Variants in PTPN4 observed in about 807,000 individuals in gnomAD.
The protein encoded by PTPN4 is protein tyrosine phosphatase non-receptor type 4, also known as tyrosine-protein phosphatase non-receptor type 4.
A neutral mutation model predicts 135.5 loss-of-function variants in PTPN4; 49 were observed. The ratio of observed to expected loss-of-function variants is 0.36; its 90% confidence interval spans 0.29 to 0.46. PTPN4 has a LOEUF of 0.46. Ranked by LOEUF, PTPN4 falls within the 20% of genes least tolerant of loss-of-function variation. The pLI, the probability that PTPN4 is intolerant of heterozygous loss-of-function variation, is 1.00. For missense variants in PTPN4, 860 were observed against 1,101.0 expected, an observed-to-expected ratio of 0.78 and a Z score of 3.10; for synonymous variants, 333 against 369.9, an observed-to-expected ratio of 0.90 and a Z score of 1.14.
chr2:119,810,888 A>G (rs1691562537), intron 2 of PTPN4, among the ~76,000 whole-genome samples: 1 of 152,120 alleles, frequency 6.6e-6, no homozygotes, highest in Non-Finnish European at 1.5e-5. Flanking sequence ...TCTCATAATT[A>G]CCACATCCCT....
At position 119,955,174 on chromosome 2, in the gene PTPN4, G is replaced by A; in HGVS notation, c.1831G>A (p.Glu611Lys). 1 of 1,608,338 alleles carries A rather than the reference G, an allele frequency of 6.2e-7. No homozygotes were observed. The highest frequency in any genetic ancestry group is 8.5e-7 in the Non-Finnish European group (1 of 1,178,328). The change falls in exon 20 of 27, where the codon GAA (glutamate) becomes AAA (lysine). Residue 611 changes from glutamate (E) to lysine (K), a missense_variant. Physicochemically the swap from Glu to Lys is moderately conservative, Grantham distance 56. Coordinates refer to ENST00000263708, the MANE Select transcript of PTPN4 (RefSeq NM_002830.4). Reference protein sequence around the residue: ...VRPNAVYDVVEEKLENEPDFQ... With the variant: ...VRPNAVYDVVKEKLENEPDFQ... ...TTTTTTAGCTGTATATGATGTAGTG[G>A]AAGAAAAGCTAGAAAATGAGCCAGA...
rs996295933 is a variant in PTPN4, at chr2:119,979,502, T to C, written c.*2432T>C. 2.0e-5 allele frequency: 3 copies of C among 152,164 alleles called. No individual in the cohort carries two copies. Among genetic ancestry groups the C allele is most frequent in the Non-Finnish European group, 2.9e-5 (2 of 67,982 alleles). 9.4% of individuals were successfully genotyped at this position (152,164 alleles called of 1,614,324 possible). A position where few individuals can be genotyped will look rare whatever the true frequency, so the allele number is the denominator to read the frequency against. On this transcript the variant is annotated 3_prime_UTR_variant, in exon 27 of 27. Coordinates refer to ENST00000263708, the MANE Select transcript of PTPN4 (RefSeq NM_002830.4). The stretch of plus-strand genomic sequence containing the variant: ...ATTTTTATGTGCAGAAAAGATCCTT[T>C]TTGAAAACCATATTTATTGGGATCT...
chr2:119,792,289 A>G (rs111867589), intron 1 of PTPN4, among the ~76,000 whole-genome samples: 2 of 152,282 alleles, frequency 1.3e-5, no homozygotes, highest in African/African-American at 4.8e-5. Context: ...AAGATTAGTC[A>G]TTTTGTGTTT....
intron 2 of PTPN4, among the ~76,000 whole-genome samples, chr2:119,841,882 TA>T (rs2104970888): frequency 1.3e-5 from 2 of 152,296 alleles, no homozygotes; most frequent in East Asian, 3.9e-4. Context: ...GTTTTGGTGT[TA>T]AAATTTGCTG....
intron 2 of PTPN4, among the ~76,000 whole-genome samples, chr2:119,820,838 A>G (rs1677054960): frequency 6.8e-6 from 1 of 147,466 alleles, no homozygotes; most frequent in East Asian, 2.0e-4. Flanking sequence ...GCACATATAT[A>G]TATGTATACT....
chr2:119,851,146 C>T (rs1002460935), intron 2 of PTPN4, among the ~76,000 whole-genome samples: 1 of 152,172 alleles, frequency 6.6e-6, no homozygotes, highest in African/African-American at 2.4e-5. Context: ...ATTTTTTAGA[C>T]TTCTCCAGTG....
intron 10 of PTPN4, among the ~76,000 whole-genome samples, chr2:119,911,592 A>G (rs1028898488): frequency 6.6e-6 from 1 of 152,152 alleles, no homozygotes; most frequent in Non-Finnish European, 1.5e-5. Flanking sequence ...TGAGGAAAAT[A>G]TATGCTTCAT....
At chr2:119,905,676 G>A (rs1678476521) in intron 10 of PTPN4, among the ~76,000 whole-genome samples, 1 of 152,110 alleles carries the variant, frequency 6.6e-6, no homozygotes, top group African/African-American at 2.4e-5. Flanking sequence ...CTTCACCTCA[G>A]CACGTGAAAC....
intron 2 of PTPN4, among the ~76,000 whole-genome samples, chr2:119,821,477 CT>C (rs911592891): frequency 6.4e-4 from 95 of 148,174 alleles, no homozygotes; most frequent in African/African-American, 1.8e-3. Context: ...TATTATGACA[CT>C]TTTTTTTTTG....
chr2:119,976,507 G>A (rs564375490), intron 26 of PTPN4, among the ~76,000 whole-genome samples: 2 of 152,094 alleles, frequency 1.3e-5, no homozygotes, highest in South Asian at 4.2e-4. Flanking sequence ...TTCCCGACTA[G>A]CTAGTATTCC....
At chr2:119,919,526 A>G (rs1678706022) in intron 11 of PTPN4, among the ~76,000 whole-genome samples, 1 of 152,218 alleles carries the variant, frequency 6.6e-6, no homozygotes, top group African/African-American at 2.4e-5. Context: ...CCTAAGAGTT[A>G]TAATATGAAT....
chr2:119,806,773 A>C (rs1691478391), intron 1 of PTPN4, among the ~76,000 whole-genome samples: 1 of 152,188 alleles, frequency 6.6e-6, no homozygotes, highest in Non-Finnish European at 1.5e-5. Flanking sequence ...CAGAATATAC[A>C]TTCTTCTCAG....
intron 3 of PTPN4, among the ~76,000 whole-genome samples, chr2:119,868,717 C>T (rs969909531): frequency 6.6e-6 from 1 of 152,224 alleles, no homozygotes; most frequent in Non-Finnish European, 1.5e-5. Flanking sequence ...CCAACCTATT[C>T]CTTTAATTCG....
At chr2:119,894,117 G>A (rs570237818) in intron 9 of PTPN4, among the ~76,000 whole-genome samples, 8 of 152,184 alleles carry the variant, frequency 5.3e-5, no homozygotes, top group African/African-American at 1.9e-4. Flanking sequence ...AATGAGACAC[G>A]GAAAAGTTAA....
chr2:119,863,730 A>G (rs1677792866), intron 3 of PTPN4, among the ~76,000 whole-genome samples: 1 of 152,144 alleles, frequency 6.6e-6, no homozygotes, highest in Admixed American at 6.6e-5. Context: ...TGACACAAAG[A>G]AAAACAAACC....
At chr2:119,861,481 G>A (rs546242747) in intron 2 of PTPN4, among the ~76,000 whole-genome samples, 6 of 152,118 alleles carry the variant, frequency 3.9e-5, no homozygotes, top group Non-Finnish European at 8.8e-5. Flanking sequence ...TTATTGATAG[G>A]TATAGAAGTT....
At chr2:119,772,985 A>T (rs1046800673) in intron 1 of PTPN4, among the ~76,000 whole-genome samples, 1 of 152,210 alleles carries the variant, frequency 6.6e-6, no homozygotes, top group Non-Finnish European at 1.5e-5. Flanking sequence ...AAGTGTTTTG[A>T]AGCTAGAGAT....
chr2:119,959,223 A>G (rs1396990746), intron 22 of PTPN4, among the ~76,000 whole-genome samples: 1 of 144,514 alleles, frequency 6.9e-6, no homozygotes, highest in African/African-American at 2.5e-5. Flanking sequence ...CTACTTAGGA[A>G]TATATCTCTG....
chr2:119,847,119 A>G (rs896839784), intron 2 of PTPN4, among the ~76,000 whole-genome samples: 5 of 149,536 alleles, frequency 3.3e-5, no homozygotes, highest in African/African-American at 1.2e-4. Context: ...TATCATTTCC[A>G]TAGGCCAAAA....
Sources: gnomAD v4.1 joint callset for allele counts (sites outside exome capture counted in the v4.1 genomes callset) on GRCh38, gnomAD v4.1.1 for gene constraint, MANE v1.5 for transcripts, NCBI Gene and HGNC (gene_info 2026-07-23, HGNC 2026-07-21) for gene names.